SHISA9: variants seen among roughly 807,000 people sequenced by gnomAD.
SHISA9 encodes the protein shisa family member 9.
Under a neutral mutation model 38.0 loss-of-function variants are expected in SHISA9, and 13 were observed. The ratio of observed to expected loss-of-function variants is 0.34; its 90% CI spans 0.22 to 0.54. SHISA9 has a LOEUF of 0.54. Ranked by LOEUF, SHISA9 falls within the 20% of genes least tolerant of loss-of-function variation. The pLI is 0.91. For synonymous variants in SHISA9, 275 were observed against 242.0 expected (o/e 1.14, Z -1.27); for missense variants, 538 against 575.8 (o/e 0.93, Z 0.67).
chr16:13,559,159 A>G, the SHISA9 span, among the ~76,000 whole-genome samples: 5 of 152,280 alleles, frequency 3.3e-5, no homozygotes, highest in African/African-American at 1.2e-4. Context: ...AAGCCTGAAG[A>G]TATCTATTTT....
chr16:12,943,414 G>A (rs995590561), intron 2 of SHISA9, among the ~76,000 whole-genome samples: 2 of 142,040 alleles, frequency 1.4e-5, no homozygotes, highest in African/African-American at 5.3e-5. Context: ...GATCTTCAGA[G>A]AACAGAATAG....
intron 2 of SHISA9, among the ~76,000 whole-genome samples, chr16:12,936,851 T>G (rs1005493937): frequency 1.3e-5 from 2 of 152,160 alleles, no homozygotes; most frequent in African/African-American, 4.8e-5. Flanking sequence ...GGCTCCTGCT[T>G]GTTTACAGAT....
At chr16:12,971,635 C>G (rs2072084118) in intron 2 of SHISA9, among the ~76,000 whole-genome samples, 2 of 151,988 alleles carry the variant, frequency 1.3e-5, no homozygotes, top group South Asian at 4.2e-4. Flanking sequence ...TGGATCATCT[C>G]TCTTTAGGAG....
At chr16:13,214,201 C>CTATT (rs1041106414) in intron 4 of SHISA9, among the ~76,000 whole-genome samples, 3 of 152,110 alleles carry the variant, frequency 2.0e-5, no homozygotes, top group African/African-American at 4.8e-5. Flanking sequence ...AACTATTTAT[C>CTATT]TATTTATTTA....
At chr16:13,221,577 C>G (rs1348987366) in intron 4 of SHISA9, among the ~76,000 whole-genome samples, 1 of 151,886 alleles carries the variant, frequency 6.6e-6, no homozygotes, top group East Asian at 1.9e-4. Flanking sequence ...AAATGTCCCA[C>G]AAATACAGTG....
intron 2 of SHISA9, among the ~76,000 whole-genome samples, chr16:13,169,330 G>T (rs1418377472): frequency 6.6e-6 from 1 of 152,236 alleles, no homozygotes; most frequent in Non-Finnish European, 1.5e-5. Context: ...GCTTCAGGAA[G>T]ACAGATGCGT....
At chr16:13,437,429 A>C in the SHISA9 span, among the ~76,000 whole-genome samples, 13 of 152,178 alleles carry the variant, frequency 8.5e-5, no homozygotes, top group Non-Finnish European at 1.8e-4. Flanking sequence ...CACTCAGTAA[A>C]AAAGACATTA....
At chr16:12,994,530 GGTGGTGGTGGTA>G (rs1446290681) in intron 2 of SHISA9, among the ~76,000 whole-genome samples, 1 of 152,128 alleles carries the variant, frequency 6.6e-6, no homozygotes, top group Non-Finnish European at 1.5e-5. Flanking sequence ...CCAGATTTAT[GGTGGTGGTGGTA>G]GTGGTGGTGG....
At chr16:13,231,718 G>A (rs937131690) in intron 4 of SHISA9, among the ~76,000 whole-genome samples, 1 of 152,198 alleles carries the variant, frequency 6.6e-6, no homozygotes. Flanking sequence ...GCAGTAGTCC[G>A]AGTGGAGGCC....
chr16:13,034,600 A>G (rs2073031242), intron 2 of SHISA9, among the ~76,000 whole-genome samples: 1 of 152,196 alleles, frequency 6.6e-6, no homozygotes, highest in African/African-American at 2.4e-5. Flanking sequence ...CCCTCCATGC[A>G]TACTCTTTTC....
chr16:13,026,984 C>A (rs8056557), intron 2 of SHISA9, among the ~76,000 whole-genome samples: 19,569 of 152,108 alleles, frequency 0.13, 2,234 homozygotes, highest in African/African-American at 0.29. Flanking sequence ...CTTCAAGGTA[C>A]CATAACTACC....
At chr16:13,315,301 G>A in the SHISA9 span, among the ~76,000 whole-genome samples, 49 of 152,208 alleles carry the variant, frequency 3.2e-4, no homozygotes, top group Admixed American at 2.0e-4. Context: ...TTACTTTCTA[G>A]AGTAATTGTG....
the SHISA9 span, among the ~76,000 whole-genome samples, chr16:13,261,143 CG>C: frequency 2.0e-5 from 3 of 152,172 alleles, no homozygotes; most frequent in African/African-American, 7.2e-5. Context: ...GAGATTTGGG[CG>C]GGGACACAAA....
chr16:13,344,194 C>G, the SHISA9 span, among the ~76,000 whole-genome samples: 2 of 152,178 alleles, frequency 1.3e-5, no homozygotes, highest in African/African-American at 4.8e-5. Context: ...GTGTGAATCA[C>G]AGGGCAGAAT....
At chr16:13,186,278 C>T (rs1397337129) in intron 2 of SHISA9, among the ~76,000 whole-genome samples, 2 of 145,174 alleles carry the variant, frequency 1.4e-5, no homozygotes, top group South Asian at 2.2e-4. Context: ...ATGAAATTTA[C>T]CATCTTAACC....
At chr16:13,090,116 G>T (rs1041662961) in intron 2 of SHISA9, among the ~76,000 whole-genome samples, 1 of 152,210 alleles carries the variant, frequency 6.6e-6, no homozygotes, top group African/African-American at 2.4e-5. Context: ...GCAGTTTTGA[G>T]TGAGTTTCTT....
the SHISA9 span, among the ~76,000 whole-genome samples, chr16:13,556,091 C>T: frequency 1.3e-5 from 2 of 152,176 alleles, no homozygotes; most frequent in East Asian, 1.9e-4. Context: ...AGCCACTTTC[C>T]GATTCCACCC....
chr16:13,303,988 A>C, the SHISA9 span, among the ~76,000 whole-genome samples: 2 of 152,228 alleles, frequency 1.3e-5, no homozygotes, highest in East Asian at 1.9e-4. Flanking sequence ...GGGTGATATT[A>C]ATTGTTTAGG....
chr16:13,425,615 C>T, the SHISA9 span, among the ~76,000 whole-genome samples: 1 of 152,170 alleles, frequency 6.6e-6, no homozygotes, highest in African/African-American at 2.4e-5. Context: ...CTAGAAGCCT[C>T]AGCATTATGC....
Sources: gnomAD v4.1 joint callset for allele counts (sites outside exome capture counted in the v4.1 genomes callset) on GRCh38, gnomAD v4.1.1 for gene constraint, MANE v1.5 for transcripts, NCBI Gene and HGNC (gene_info 2026-07-23, HGNC 2026-07-21) for gene names.